RYR1: variants seen among roughly 807,000 people sequenced by gnomAD.
RYR1 encodes the protein central core disease of muscle.
In RYR1, 342 loss-of-function variants were observed where a neutral mutation model predicts 583.5. The ratio of observed to expected loss-of-function variants is 0.59; its 90% confidence interval spans 0.54 to 0.64. The LOEUF is 0.64. Ranked by LOEUF, RYR1 falls within the 30% of genes least tolerant of loss-of-function variation. The pLI is 0.00. For synonymous variants in RYR1, 2,791 were observed against 2,822.5 expected, an observed-to-expected ratio of 0.99 and a Z score of 0.35; for missense variants, 6,032 against 6,917.2, an observed-to-expected ratio of 0.87 and a Z score of 4.54.
At chr19:38,508,220 T>C (rs1970568243) in intron 58 of RYR1, among the ~76,000 whole-genome samples, 1 of 152,094 alleles carries the variant, frequency 6.6e-6, no homozygotes, top group South Asian at 2.1e-4. Flanking sequence ...TTTATTTATT[T>C]ATTTTTGAGA....
At chr19:38,516,271 G>T in intron 65 of RYR1, 54 bp downstream of exon 65, 7 of 1,538,622 alleles carry the variant, frequency 4.5e-6, no homozygotes, top group Non-Finnish European at 6.2e-6. Flanking sequence ...CCCAGCACAG[G>T]GCCTTGGGGA....
intron 58 of RYR1, among the ~76,000 whole-genome samples, chr19:38,510,086 T>A (rs1374767997): frequency 6.6e-6 from 1 of 152,044 alleles, no homozygotes; most frequent in Non-Finnish European, 1.5e-5. Context: ...ATTGGGAGGT[T>A]GAGGCGGGTG....
At position 38,517,478 on chromosome 19, in the gene RYR1, G is replaced by C; in HGVS notation, c.9805G>C (p.Val3269Leu). 2 of 1,614,112 alleles carry C rather than the reference G, an allele frequency of 1.2e-6. No homozygotes were observed. The highest frequency in any genetic ancestry group is 1.7e-6 in the Non-Finnish European group (2 of 1,180,008). The change falls in exon 66 of 106, where the codon GTC (valine) becomes CTC (leucine). Residue 3269 changes from valine (V) to leucine (L), a missense_variant. Coordinates refer to ENST00000359596, the MANE Select transcript of RYR1 (RefSeq NM_000540.3). ...SGARYTEMPH[V>L]IEITLPMLCS... ...TGCCCGCTACACAGAGATGCCGCAT[G>C]TCATCGAGATCACGCTGCCCATGCT...
At chr19:38,568,943 G>T (rs1035885993) in intron 93 of RYR1, among the ~76,000 whole-genome samples, 1 of 152,228 alleles carries the variant, frequency 6.6e-6, no homozygotes, top group Non-Finnish European at 1.5e-5. Context: ...TCCAAGGTAG[G>T]AGGATCACTG....
chr19:38,505,357 A>C lies in RYR1; in HGVS notation c.8359A>C (p.Thr2787Pro). ...AGAGAACATAGACGAGGAGCTGAAG[A>C]CCCACCCCATGCTGAGGCCCTACAA... ...YGENIDEELK[T>P]HPMLRPYKTF... Residue 2787 changes from threonine to proline, a missense_variant, in exon 53 of 106, where the codon ACC becomes CCC. Thr to Pro is a conservative substitution (Grantham distance 38). Coordinates refer to ENST00000359596, the MANE Select transcript of RYR1 (RefSeq NM_000540.3). 2.5e-6 allele frequency: 4 copies of C among 1,612,394 alleles called. No homozygotes were observed. The highest frequency in any genetic ancestry group is 3.4e-6 in the Non-Finnish European group (4 of 1,179,360).
intron 75 of RYR1, 25 bp from the exon 76 acceptor site, chr19:38,528,926 C>A (rs763691180): frequency 6.2e-7 from 1 of 1,600,638 alleles, no homozygotes; most frequent in East Asian, 2.2e-5. Context: ...GAAACCCTCT[C>A]CCCAAGTCTC....
intron 37 of RYR1, among the ~76,000 whole-genome samples, chr19:38,491,363 G>A (rs1313626772): frequency 1.3e-5 from 2 of 151,112 alleles, no homozygotes; most frequent in African/African-American, 2.4e-5. Flanking sequence ...TCTTCCTCTG[G>A]GACTCTCATT....
At chr19:38,487,420 C>G (rs755594720) in intron 34 of RYR1, among the ~76,000 whole-genome samples, 3 of 150,186 alleles carry the variant, frequency 2.0e-5, no homozygotes, top group Non-Finnish European at 4.4e-5. Context: ...GTGGAGCAAT[C>G]TCAAATCACT....
At chr19:38,456,033 G>A (rs1159562605) in intron 16 of RYR1, among the ~76,000 whole-genome samples, 12 of 146,586 alleles carry the variant, frequency 8.2e-5, no homozygotes, top group Admixed American at 4.2e-4. Flanking sequence ...GTGTAGTGGC[G>A]CTATCTTGGC....
chr19:38,499,997 G>T lies in RYR1; in HGVS notation c.7304G>T (p.Arg2435Leu), dbSNP rs28933396. Reference sequence around the variant, plus strand: ...GCCGCCTTGATCGACCTGCTCGGACGCTGTGCACCAGAGATGCATGTGAGA... The same window carrying T: ...GCCGCCTTGATCGACCTGCTCGGACTCTGTGCACCAGAGATGCATGTGAGA... ...FYAALIDLLGRCAPEMHLIQA... is the reference protein window; with the variant it reads ...FYAALIDLLGLCAPEMHLIQA... The change falls in exon 45 of 106, where the codon CGC (arginine) becomes CTC (leucine). Residue 2435 changes from arginine (R) to leucine (L), a missense_variant. By Grantham distance (102) the Arg-to-Leu change is moderately radical. This residue lies in a region of RYR1 where 2,627 missense variants were observed against 2,961.3 expected (regional missense o/e 0.89). Coordinates refer to ENST00000359596, the MANE Select transcript of RYR1 (RefSeq NM_000540.3). The surrounding 1 kb of genome is among the most constrained non-coding windows in gnomAD (Gnocchi z 7.3). 4 of 1,614,114 alleles carry T rather than the reference G, an allele frequency of 2.5e-6. No individual in the cohort carries two copies. Among genetic ancestry groups the T allele is most frequent in the Non-Finnish European group, 3.4e-6 (4 of 1,179,988 alleles).
At position 38,440,810 on chromosome 19, in the gene RYR1, C is replaced by T. The variant is rs142909076; in HGVS notation, c.111C>T (p.Ala37=). The part of the protein sequence containing the change: ...VLKEQLKLCL[A]AEGFGNRLCF... Reference sequence around the variant, plus strand: ...AGGAGCAGCTCAAGCTCTGCCTGGCCGCCGAGGGCTTCGGCAACCGCCTGT... The same window carrying T: ...AGGAGCAGCTCAAGCTCTGCCTGGCTGCCGAGGGCTTCGGCAACCGCCTGT... Residue 37 remains alanine (A), a synonymous_variant, in exon 2 of 106, where the codon GCC becomes GCT. Coordinates refer to ENST00000359596, the MANE Select transcript of RYR1 (RefSeq NM_000540.3). 1.9e-5 allele frequency: 30 copies of T among 1,609,064 alleles called. No individual in the cohort carries two copies. The highest frequency in any genetic ancestry group is 2.3e-5 in the Non-Finnish European group (27 of 1,178,626).
chr19:38,485,315 T>A (rs1030837590), intron 33 of RYR1, among the ~76,000 whole-genome samples: 5 of 152,160 alleles, frequency 3.3e-5, no homozygotes, highest in African/African-American at 1.2e-4. Context: ...CCAGCTCCAC[T>A]GCCCTCACAG....
intron 102 of RYR1, among the ~76,000 whole-genome samples, chr19:38,585,369 G>GATATATATATATATATATATATAT (rs3039200): frequency 2.1e-5 from 3 of 141,064 alleles, no homozygotes; most frequent in African/African-American, 7.8e-5. Context: ...AAAGGCCTGA[G>GATATATATATATATATATATATAT]ATATATATAT....
chr19:38,498,770 C>T (rs1325497499), intron 42 of RYR1, among the ~76,000 whole-genome samples: 1 of 152,116 alleles, frequency 6.6e-6, no homozygotes, highest in East Asian at 1.9e-4. Flanking sequence ...ACTCTCGTTG[C>T]CATCTTGGTT....
intron 1 of RYR1, among the ~76,000 whole-genome samples, chr19:38,437,776 A>G (rs971532424): frequency 3.9e-5 from 6 of 151,996 alleles, no homozygotes; most frequent in Non-Finnish European, 8.8e-5. Context: ...TGATCTCGCC[A>G]CTGCACTCCA....
At chr19:38,460,304 T>C in intron 19 of RYR1, 71 bp from the exon 20 acceptor site, 1 of 1,380,566 alleles carries the variant, frequency 7.2e-7, no homozygotes, top group Non-Finnish European at 1.0e-6. Context: ...ACTGCTTCCA[T>C]GTCCCCCACT....
chr19:38,563,906 C>T (rs1282115010), intron 90 of RYR1, among the ~76,000 whole-genome samples: 3 of 152,186 alleles, frequency 2.0e-5, no homozygotes, highest in Non-Finnish European at 2.9e-5. Context: ...TTCTGGGCCT[C>T]CCTGTCCTCA....
intron 72 of RYR1, 122 bp downstream of exon 72, chr19:38,527,174 A>C: frequency 8.9e-7 from 1 of 1,119,452 alleles, no homozygotes; most frequent in Non-Finnish European, 1.3e-6. Context: ...CAGGAGTTTG[A>C]GACCAGCCTG....
At chr19:38,576,541 G>GT (rs1330095288) in intron 97 of RYR1, among the ~76,000 whole-genome samples, 1 of 152,182 alleles carries the variant, frequency 6.6e-6, no homozygotes, top group Non-Finnish European at 1.5e-5. Context: ...GCCAGGAGCA[G>GT]TGGCACACGC....
Sources: gnomAD v4.1 joint callset for allele counts (sites outside exome capture counted in the v4.1 genomes callset) on GRCh38, gnomAD v4.1.1 for gene constraint, gnomAD v4.1.1 regional missense constraint, Gnocchi (gnomAD v3.1) non-coding constraint, MANE v1.5 for transcripts, NCBI Gene and HGNC (gene_info 2026-07-23, HGNC 2026-07-21) for gene names.